Variants in CALU observed in about 807,000 individuals in gnomAD.
CALU encodes IEF SSP 9302.
In CALU, 13 loss-of-function variants were observed where a neutral mutation model predicts 37.5. The observed-to-expected ratio is 0.35, with a 90% CI of 0.23 to 0.55. The LOEUF (loss-of-function observed/expected upper bound fraction) is 0.55, where lower values mean the gene tolerates loss of function less well. CALU is among the 20% of genes least tolerant of loss of function. The probability of loss-of-function intolerance (pLI) is 0.89; values close to 1 mark genes in which losing one functional copy is unlikely to be tolerated. For synonymous variants in CALU, 114 were observed against 133.8 expected, an observed-to-expected ratio of 0.85 and a Z score of 1.02; for missense variants, 282 against 391.7, an observed-to-expected ratio of 0.72 and a Z score of 2.36.
intron 1 of CALU, chr7:128,748,001 T>TC: frequency 5.3e-6 from 1 of 189,680 alleles, no homozygotes; most frequent in South Asian, 1.4e-4. Flanking sequence ...GGAGACTTGG[T>TC]GCTATAGACC....
At chr7:128,757,817 A>G (rs1160233818) in intron 3 of CALU, among the ~76,000 whole-genome samples, 3 of 152,038 alleles carry the variant, frequency 2.0e-5, no homozygotes, top group African/African-American at 7.2e-5. Context: ...TCACTTTTCT[A>G]TATTCTTATA....
rs1801585409 is a variant in CALU, at chr7:128,771,980, T to G, written c.*2813T>G. Among the ~76,000 whole-genome samples, 2 of 152,072 alleles carry G rather than the reference T, an allele frequency of 1.3e-5. No individual in the cohort carries two copies. The highest frequency in any genetic ancestry group is 4.1e-4 in the South Asian group (2 of 4,832). ...TAATTTGTGCTTGCTCAGGGGCTTG[T>G]GGACATGGCTGTTCCTGCCAAAGCT... is the stretch of plus-strand genomic sequence containing the variant. On this transcript the variant is annotated 3_prime_UTR_variant, in exon 7 of 7. Transcript: ENST00000249364.
chr7:128,769,018 T>C, intron 6 of CALU, 45 bp from the exon 7 acceptor site: 1 of 1,111,368 alleles, frequency 9.0e-7, no homozygotes, highest in Non-Finnish European at 1.4e-6. Flanking sequence ...GAATTTTTAA[T>C]GGGAAATATG....
chr7:128,745,634 A>T (rs1335005961), intron 1 of CALU, among the ~76,000 whole-genome samples: 1 of 152,150 alleles, frequency 6.6e-6, no homozygotes, highest in Non-Finnish European at 1.5e-5. Context: ...TTTGAGATAG[A>T]AGTTTCATTT....
chr7:128,755,976 A>G (rs1800868252), intron 3 of CALU, among the ~76,000 whole-genome samples: 1 of 152,212 alleles, frequency 6.6e-6, no homozygotes, highest in Non-Finnish European at 1.5e-5. Context: ...TTTCTGGTGA[A>G]GAGACTTTTA....
At position 128,748,666 on chromosome 7, in the gene CALU, T is replaced by C; in HGVS notation, c.83T>C (p.Val28Ala). 6.2e-7 allele frequency: 1 copy of C among 1,614,214 alleles called. No individual in the cohort carries two copies. The highest frequency in any genetic ancestry group is 1.1e-5 in the South Asian group (1 of 91,086). Residue 28 changes from valine to alanine, a missense_variant, in exon 2 of 7, where the codon GTA becomes GCA. Val to Ala is a moderately conservative substitution (Grantham distance 64, BLOSUM62 0). Coordinates refer to ENST00000249364, the MANE Select transcript of CALU (RefSeq NM_001219.5). ...AAACCCACAGAAAAGAAGGACCGTGTACATCATGAGCCTCAGCTCAGTGAC... is the reference window on the plus strand; with the variant it reads ...AAACCCACAGAAAAGAAGGACCGTGCACATCATGAGCCTCAGCTCAGTGAC... Reference protein sequence around the residue: ...LSKPTEKKDRVHHEPQLSDKV... With the variant: ...LSKPTEKKDRAHHEPQLSDKV...
At chr7:128,747,984 G>A in intron 1 of CALU, 1 of 184,796 alleles carries the variant, frequency 5.4e-6, no homozygotes, top group South Asian at 1.4e-4. Flanking sequence ...GGTTGAGCCT[G>A]GATGTTGGAG....
chr7:128,760,895 G>A (rs959060797), intron 5 of CALU, among the ~76,000 whole-genome samples: 1 of 152,198 alleles, frequency 6.6e-6, no homozygotes, highest in Admixed American at 6.5e-5. Flanking sequence ...GCTACAGAGC[G>A]AGACTCCGTC....
At chr7:128,748,852 A>C (rs1204025524) in intron 2 of CALU, 48 bp downstream of exon 2, 40 of 1,255,118 alleles carry the variant, frequency 3.2e-5, no homozygotes, top group Non-Finnish European at 4.6e-5. Flanking sequence ...GACATTCTTT[A>C]TAAAGGCTAA....
chr7:128,760,130 G>A (rs1033302989), intron 5 of CALU, among the ~76,000 whole-genome samples: 4 of 152,270 alleles, frequency 2.6e-5, no homozygotes, highest in South Asian at 2.1e-4. Context: ...CCCAGGAGGC[G>A]GAGGTTGCAG....
rs1801638951 is a variant in CALU at position 128,772,758 on chromosome 7, T to G, written c.*3591T>G. On this transcript the variant is annotated 3_prime_UTR_variant, in exon 7 of 7. Transcript: ENST00000249364. ...ATCACCAAAGCCTTGCACAATGCTT[T>G]GTACCCAGAATGCCCTTAGGTGGTT... 1.3e-6 allele frequency: 2 copies of G among 1,527,254 alleles called. No individual in the cohort carries two copies. Among genetic ancestry groups the G allele is most frequent in the Middle Eastern group, 3.5e-4 (2 of 5,678 alleles). 94.6% of individuals were successfully genotyped at this position (1,527,254 alleles called of 1,614,324 possible). A position where few individuals can be genotyped will look rare whatever the true frequency, so the allele number is the denominator to read the frequency against.
At chr7:128,755,764 G>A (rs1800858833) in intron 3 of CALU, among the ~76,000 whole-genome samples, 1 of 152,128 alleles carries the variant, frequency 6.6e-6, no homozygotes, top group South Asian at 2.1e-4. Flanking sequence ...AAATTCCTCT[G>A]TTGTACATGG....
intron 3 of CALU, among the ~76,000 whole-genome samples, chr7:128,757,357 G>A (rs1800924992): frequency 1.5e-5 from 2 of 136,936 alleles, no homozygotes; most frequent in South Asian, 2.2e-4. Context: ...TTATGGCTTT[G>A]AGTGTGTGTG....
At position 128,748,192 on chromosome 7, in the gene CALU, G is replaced by A. The variant is rs534433134; in HGVS notation, c.-11-381G>A. On this transcript the variant is annotated intron_variant, in intron 1 of 6. Transcript: ENST00000249364. ...TGTTTGAAGACCAGACCACCAATGC[G>A]TACAAGAAGTAAAGGATTTGGAGTC... 2.0e-4 allele frequency: 110 copies of A among 552,572 alleles called. 1 individual carries two copies. The highest frequency in any genetic ancestry group is 1.1e-3 in the South Asian group (40 of 37,708). 34.2% of individuals were successfully genotyped at this position (552,572 alleles called of 1,614,324 possible).
chr7:128,766,576 G>A (rs1336374010), intron 5 of CALU, among the ~76,000 whole-genome samples: 1 of 151,700 alleles, frequency 6.6e-6, no homozygotes, highest in East Asian at 2.0e-4. Context: ...TTACAGGCAC[G>A]CACCACCATG....
chr7:128,758,033 G>A (rs910452290), intron 3 of CALU, among the ~76,000 whole-genome samples: 11 of 151,856 alleles, frequency 7.2e-5, no homozygotes, highest in African/African-American at 1.2e-4. Context: ...CTGCAATCAC[G>A]ATAATGAGCA....
At chr7:128,756,577 C>G (rs968071724) in intron 3 of CALU, among the ~76,000 whole-genome samples, 2 of 152,128 alleles carry the variant, frequency 1.3e-5, no homozygotes, top group Non-Finnish European at 2.9e-5. Flanking sequence ...AAATCTGTCT[C>G]AATGAATCCG....
chr7:128,769,027 T>C, intron 6 of CALU, 36 bp from the exon 7 acceptor site: 3 of 1,180,914 alleles, frequency 2.5e-6, no homozygotes, highest in Non-Finnish European at 3.8e-6. Flanking sequence ...ATGGGAAATA[T>C]GTTCTTCTTC....
rs1801039206 is a variant in CALU at position 128,759,943 on chromosome 7, A to G, written c.643+91A>G. The G allele has an allele frequency of 6.5e-6, 5 of 767,410 alleles. No homozygotes were observed. In the South Asian group the frequency reaches 7.1e-5, roughly 11 times the overall value. 47.5% of individuals were successfully genotyped at this position (767,410 alleles called of 1,614,324 possible). On this transcript the variant is annotated intron_variant, in intron 5 of 6. Transcript: ENST00000249364. ...CTGGGCACAGTGGCTCATGCCTGTA[A>G]TCCCAACACTGGGAGGCCGAGGCGG...
Sources: gnomAD v4.1 joint callset for allele counts (sites outside exome capture counted in the v4.1 genomes callset) on GRCh38, gnomAD v4.1.1 for gene constraint, MANE v1.5 for transcripts, NCBI Gene and HGNC (gene_info 2026-07-23, HGNC 2026-07-21) for gene names.